Variants in SOX5 observed in about 807,000 individuals in gnomAD.
SOX5 encodes the protein SRY-box transcription factor 5.
In SOX5, 9 loss-of-function variants were observed where a neutral mutation model predicts 92.0. That is an observed-to-expected ratio of 0.10 (90% CI 0.06 to 0.17). The LOEUF (loss-of-function observed/expected upper bound fraction) is 0.17. SOX5 is among the 10% of genes least tolerant of loss of function. SOX5 has a pLI of 1.00. For synonymous variants in SOX5, 344 were observed against 336.3 expected, an observed-to-expected ratio of 1.02 and a Z score of -0.25; for missense variants, 642 against 944.5, an observed-to-expected ratio of 0.68 and a Z score of 4.20.
At chr12:24,204,742 C>A (rs1049127246) in intron 4 of SOX5, among the ~76,000 whole-genome samples, 4 of 152,174 alleles carry the variant, frequency 2.6e-5, no homozygotes, top group African/African-American at 9.7e-5. Flanking sequence ...TCACCAACTT[C>A]TCTCCCAAAG....
chr12:24,092,599 A>AAGCC (rs1380618665), intron 4 of SOX5, among the ~76,000 whole-genome samples: 1 of 152,190 alleles, frequency 6.6e-6, no homozygotes, highest in African/African-American at 2.4e-5. Flanking sequence ...ATTGAGGGTA[A>AAGCC]AGCCATTTTA....
At chr12:24,169,123 A>G (rs75337889) in intron 4 of SOX5, among the ~76,000 whole-genome samples, 1 of 152,198 alleles carries the variant, frequency 6.6e-6, no homozygotes, top group African/African-American at 2.4e-5. Context: ...CATAAAAATG[A>G]AGGATCTCTT....
chr12:24,152,093 C>A (rs934436203), intron 4 of SOX5, among the ~76,000 whole-genome samples: 6 of 152,100 alleles, frequency 3.9e-5, no homozygotes, highest in African/African-American at 1.4e-4. Context: ...AACACACCAG[C>A]ATTTTCTATT....
In SOX5 at chr12:23,895,895, C is replaced by G. The variant is rs1568731469; in HGVS notation, c.168G>C (p.Val56=). The change falls in exon 2 of 15, where the codon GTG becomes GTC. Residue 56 remains valine, a synonymous_variant. Coordinates refer to ENST00000451604, the MANE Select transcript of SOX5 (RefSeq NM_006940.6). The part of the protein sequence containing the change: ...GLPAFHLPLH[V]SFPNKPHSEE... ...CAGAGTGAGGCTTGTTGGGAAAACTCACATGCAAGGGAAGGTGAAAGGCTG... is the reference window on the plus strand; with the variant it reads ...CAGAGTGAGGCTTGTTGGGAAAACTGACATGCAAGGGAAGGTGAAAGGCTG... The G allele has an allele frequency of 6.2e-7, 1 of 1,614,110 alleles. No individual in the cohort carries two copies.
intron 4 of SOX5, among the ~76,000 whole-genome samples, chr12:24,019,612 T>G (rs17481181): frequency 0.071 from 10,879 of 152,290 alleles, 543 homozygotes; most frequent in Non-Finnish European, 0.11. Context: ...TATATGTTGA[T>G]GAAGAGTCAA....
chr12:23,902,764 T>C (rs2097250123), intron 1 of SOX5, among the ~76,000 whole-genome samples: 1 of 152,218 alleles, frequency 6.6e-6, no homozygotes, highest in Non-Finnish European at 1.5e-5. Flanking sequence ...ATGCAAAGGA[T>C]GTGACTTTAT....
chr12:23,559,784 G>A (rs1331388225), intron 11 of SOX5, among the ~76,000 whole-genome samples: 3 of 152,108 alleles, frequency 2.0e-5, no homozygotes, highest in African/African-American at 7.2e-5. Flanking sequence ...TTATGTTGAT[G>A]TAAAGCACCC....
intron 1 of SOX5, among the ~76,000 whole-genome samples, chr12:24,410,524 C>T (rs1162024763): frequency 6.6e-6 from 1 of 152,134 alleles, no homozygotes. Context: ...TTTGTTTTCC[C>T]TATGAATGTC....
chr12:24,311,989 G>T (rs552061768), intron 2 of SOX5, among the ~76,000 whole-genome samples: 6 of 152,222 alleles, frequency 3.9e-5, no homozygotes, highest in African/African-American at 1.4e-4. Flanking sequence ...CCCTTTAAAA[G>T]AAGTGATTTT....
chr12:23,794,092 CAG>C lies in SOX5; in HGVS notation c.482-38370_482-38369del, dbSNP rs1404240442. ...GAATTAACAAGAATTTCATTGAAAC[CAG>C]AGAGGAAAAATATTTTAAAAGTTTT... On this transcript the variant is annotated intron_variant, in intron 3 of 14. Transcript: ENST00000451604. Among the ~76,000 whole-genome samples, 5 of 152,094 alleles carry C rather than the reference CAG, an allele frequency of 3.3e-5. No individual in the cohort carries two copies. In the South Asian group the frequency reaches 8.3e-4, roughly 25 times the overall value.
chr12:24,355,821 A>T (rs1954761586), intron 2 of SOX5, among the ~76,000 whole-genome samples: 1 of 152,198 alleles, frequency 6.6e-6, no homozygotes, highest in Non-Finnish European at 1.5e-5. Context: ...ACACAAAAAG[A>T]TCCAATATAA....
At chr12:24,153,319 T>C (rs994150638) in intron 4 of SOX5, among the ~76,000 whole-genome samples, 1 of 152,128 alleles carries the variant, frequency 6.6e-6, no homozygotes, top group Non-Finnish European at 1.5e-5. Context: ...AAGGAGGGGG[T>C]GCCCTTCAGT....
intron 4 of SOX5, among the ~76,000 whole-genome samples, chr12:24,130,872 T>C (rs1333247015): frequency 6.6e-6 from 1 of 152,176 alleles, no homozygotes; most frequent in Non-Finnish European, 1.5e-5. Flanking sequence ...TCTTCAACCC[T>C]CATTTCTATT....
intron 1 of SOX5, among the ~76,000 whole-genome samples, chr12:24,548,052 T>G (rs933841133): frequency 2.6e-5 from 4 of 152,188 alleles, no homozygotes; most frequent in Non-Finnish European, 4.4e-5. Flanking sequence ...TTAAGTACCT[T>G]GCATTCATTC....
chr12:24,229,902 T>C (rs1200160444), intron 3 of SOX5, among the ~76,000 whole-genome samples: 1 of 152,088 alleles, frequency 6.6e-6, no homozygotes, highest in African/African-American at 2.4e-5. Context: ...TTATAAAGAG[T>C]TCTAAGTTCA....
intron 1 of SOX5, among the ~76,000 whole-genome samples, chr12:24,505,353 G>A (rs556186147): frequency 6.6e-6 from 1 of 152,074 alleles, no homozygotes; most frequent in Non-Finnish European, 1.5e-5. Context: ...TGGAGAAAAC[G>A]ATCAATGTAA....
chr12:23,758,620 C>G (rs1196080536), intron 3 of SOX5, among the ~76,000 whole-genome samples: 1 of 151,958 alleles, frequency 6.6e-6, no homozygotes, highest in Non-Finnish European at 1.5e-5. Context: ...CTAAATTCTA[C>G]CTATTGGATC....
intron 1 of SOX5, among the ~76,000 whole-genome samples, chr12:24,397,404 A>G (rs192658064): frequency 6.6e-6 from 1 of 152,360 alleles, no homozygotes; most frequent in East Asian, 1.9e-4. Flanking sequence ...TTTACAATTT[A>G]CAGATAGTAT....
intron 1 of SOX5, among the ~76,000 whole-genome samples, chr12:24,507,012 G>A (rs555460350): frequency 6.6e-6 from 1 of 151,556 alleles, no homozygotes; most frequent in East Asian, 1.9e-4. Context: ...GGATGGTCTC[G>A]ATTTCCTGAC....
Sources: allele counts gnomAD v4.1 joint callset (sites outside exome capture counted in the v4.1 genomes callset), GRCh38; gene constraint gnomAD v4.1.1; transcripts MANE v1.5; gene names NCBI Gene and HGNC (gene_info 2026-07-23, HGNC 2026-07-21).